Variants in ZNF687 observed in about 807,000 individuals in gnomAD.
ZNF687 encodes the protein zinc finger protein 687.
ZNF687 carries 13 observed loss-of-function variants against 71.8 expected under a neutral mutation model. The observed-to-expected ratio is 0.18, with a 90% CI of 0.12 to 0.29. The LOEUF is 0.29. Ranked by LOEUF, ZNF687 falls within the 10% of genes least tolerant of loss-of-function variation. The pLI is 1.00. For missense variants in ZNF687, 1,412 were observed against 1,625.6 expected (o/e 0.87, Z 2.26); for synonymous variants, 673 against 641.6 (o/e 1.05, Z -0.74).
Position 151,287,519 on chromosome 1 carries a change from A to G in ZNF687, c.1228A>G (p.Ser410Gly). The change falls in exon 2 of 9, where the codon AGT becomes GGT. Residue 410 changes from serine (S) to glycine (G), a missense_variant. This residue lies in a region of ZNF687 where 133 missense variants were observed against 155.1 expected (regional missense o/e 0.86). Transcript: ENST00000336715. The surrounding 1 kb of genome is among the most constrained non-coding windows in gnomAD (Gnocchi z 5.0). ...VLPVATIQNA[S>G]TAMLMAASVA... is the part of the protein sequence containing the mutation. ...GCCTGTGGCCACCATCCAGAACGCC[A>G]GTACTGCCATGCTGATGGCAGCCAG... is the stretch of plus-strand genomic sequence containing the variant. The G allele has an allele frequency of 6.2e-7, 1 of 1,614,168 alleles. No homozygotes were observed. Among genetic ancestry groups the G allele is most frequent in the Non-Finnish European group, 8.5e-7 (1 of 1,180,034 alleles).
chr1:151,288,673 C>A lies in ZNF687; in HGVS notation c.2261C>A (p.Ala754Asp), dbSNP rs775283853. ...QANFQTHLRE[A>D]CLHVSRRVGY... ...AATTTTCAGACCCATCTCCGGGAGG[C>A]CTGTCTGCACGTCTCTCGCCGTGTA... The change falls in exon 3 of 9, where the codon GCC becomes GAC. Residue 754 changes from alanine (A) to aspartate (D), a missense_variant. Ala to Asp is a moderately radical substitution (Grantham distance 126). Transcript: ENST00000336715. The A allele has an allele frequency of 6.2e-7, 1 of 1,613,838 alleles. No individual in the cohort carries two copies. Among genetic ancestry groups the A allele is most frequent in the Non-Finnish European group, 8.5e-7 (1 of 1,179,896 alleles).
intron 5 of ZNF687, 33 bp from the exon 6 acceptor site, chr1:151,289,645 C>T (rs780891941): frequency 5.0e-6 from 8 of 1,593,450 alleles, no homozygotes; most frequent in Non-Finnish European, 6.9e-6. Context: ...GGCCCTCCCC[C>T]ACAACAGCAA....
Position 151,290,505 on chromosome 1 carries a change from T to C in ZNF687, c.3151T>C (p.Leu1051=). The part of the protein sequence containing the change: ...LEKHVQVRHG[L]QLGAQSPGRG... The stretch of plus-strand genomic sequence containing the variant: ...GAAACATGTCCAGGTCCGGCACGGC[T>C]TGCAGCTTGGGGCCCAGTCCCCTGG... Residue 1051 remains leucine (L), a synonymous_variant, in exon 8 of 9, where the codon TTG becomes CTG. Transcript: ENST00000336715. The C allele has an allele frequency of 6.2e-7, 1 of 1,613,964 alleles. No homozygotes were observed. The highest frequency in any genetic ancestry group is 1.1e-5 in the South Asian group (1 of 91,088).
chr1:151,290,274 T>C (rs781215924), intron 7 of ZNF687, 40 bp downstream of exon 7: 1 of 1,610,952 alleles, frequency 6.2e-7, no homozygotes, highest in Admixed American at 1.7e-5. Context: ...GCCCAGCACG[T>C]GACTCTCCCT....
In ZNF687 at chr1:151,287,707, G is replaced by C. The variant is rs749355161; in HGVS notation, c.1416G>C (p.Met472Ile). ...GQKVNGASVV[M>I]VQPSKTATGP... ...AGGTGAATGGTGCCTCGGTGGTGAT[G>C]GTGCAACCTTCAAAGACAGCTACTG... Residue 472 changes from methionine to isoleucine, a missense_variant, in exon 2 of 9, where the codon ATG becomes ATC. Around this residue, in one of 8 missense-constraint regions of ZNF687, gnomAD observed 133 missense variants for 155.1 expected, o/e 0.86. Transcript: ENST00000336715. The surrounding 1 kb of genome is among the most constrained non-coding windows in gnomAD (Gnocchi z 5.0). 1.2e-6 allele frequency: 2 copies of C among 1,613,634 alleles called. No individual in the cohort carries two copies. Among genetic ancestry groups the C allele is most frequent in the Non-Finnish European group, 1.7e-6 (2 of 1,179,848 alleles).
Position 151,286,674 on chromosome 1 carries a change from G to A in ZNF687, c.383G>A (p.Gly128Glu), listed in dbSNP as rs772209660. Residue 128 changes from glycine (G) to glutamate (E), a missense_variant, in exon 2 of 9, where the codon GGG (glycine) becomes GAG (glutamate). By Grantham distance (98) the Gly-to-Glu change is moderately conservative. Around this residue, in one of 8 missense-constraint regions of ZNF687, gnomAD observed 490 missense variants for 489.9 expected, o/e 1.00. Transcript: ENST00000336715. ...VGPHRMQNGF[G>E]SPEPSLPGTP... Reference sequence around the variant, plus strand: ...CCTCATCGAATGCAGAATGGTTTTGGGAGCCCTGAACCTTCCCTCCCAGGA... The same window carrying A: ...CCTCATCGAATGCAGAATGGTTTTGAGAGCCCTGAACCTTCCCTCCCAGGA... 4 of 1,614,158 alleles carry A rather than the reference G, an allele frequency of 2.5e-6. No individual in the cohort carries two copies. In the South Asian group the frequency reaches 3.3e-5, roughly 13 times the overall value.
rs750476224 is a variant in ZNF687, at chr1:151,287,914, C to G, written c.1623C>G (p.Ala541=). 1 of 1,613,768 alleles carries G rather than the reference C, an allele frequency of 6.2e-7. No individual in the cohort carries two copies. Among genetic ancestry groups the G allele is most frequent in the South Asian group, 1.1e-5 (1 of 91,080 alleles). ...TGYRCLECGD[A]FSLEKSLARH... ...ACCGCTGCCTGGAGTGTGGGGATGC[C>G]TTCTCATTGGAGAAGAGCCTGGCAC... The change falls in exon 2 of 9, where the codon GCC becomes GCG. Residue 541 remains alanine, a synonymous_variant. Coordinates refer to ENST00000336715, the MANE Select transcript of ZNF687 (RefSeq NM_020832.3). This position sits in a 1 kb window ranked among gnomAD's most constrained non-coding sequence, Gnocchi z 5.0.
chr1:151,287,102 AG>A lies in ZNF687; in HGVS notation c.812del (p.Ser271ThrfsTer14). The A allele has an allele frequency of 6.2e-7, 1 of 1,613,944 alleles. No individual in the cohort carries two copies. Among genetic ancestry groups the A allele is most frequent in the Non-Finnish European group, 8.5e-7 (1 of 1,179,848 alleles). ...CTTCAAGCAGTCTCCAGGGCACCAG[AG>A]CCCTCTTGCCTCCCCCAAAGTGCCC... is the stretch of plus-strand genomic sequence containing the variant. The part of the protein sequence containing the change: ...PFFKQSPGHQ[S>X]PLASPKVPVC... On this transcript the variant is annotated frameshift_variant, in exon 2 of 9. Transcript: ENST00000336715. LOFTEE classifies it high-confidence loss of function. This position sits in a 1 kb window ranked among gnomAD's most constrained non-coding sequence, Gnocchi z 5.0.
At chr1:151,283,911 A>G (rs974740596) in intron 1 of ZNF687, 1 of 985,230 alleles carries the variant, frequency 1.0e-6, no homozygotes, top group East Asian at 1.1e-4. Flanking sequence ...ATGGCCTGCA[A>G]CCTGGGCAGG....
At position 151,286,457 on chromosome 1, in the gene ZNF687, G is replaced by T. The variant is rs1171102846; in HGVS notation, c.166G>T (p.Ala56Ser). The T allele has an allele frequency of 6.2e-6, 10 of 1,613,770 alleles. No homozygotes were observed. Among genetic ancestry groups the T allele is most frequent in the Non-Finnish European group, 8.5e-6 (10 of 1,179,842 alleles). The change falls in exon 2 of 9, where the codon GCA (alanine) becomes TCA (serine). Residue 56 changes from alanine to serine, a missense_variant. By Grantham distance (99) the Ala-to-Ser change is moderately conservative. Transcript: ENST00000336715. ...GVGSESEDTA[A>S]ASAGDGPGVP... is the part of the protein sequence containing the mutation. ...AGGAAGTGAATCTGAAGACACAGCA[G>T]CAGCCTCTGCTGGGGATGGCCCTGG... is the stretch of plus-strand genomic sequence containing the variant.
rs937655434 is a variant in ZNF687 at position 151,289,171 on chromosome 1, T to C, written c.2371T>C (p.Phe791Leu). Residue 791 changes from phenylalanine (F) to leucine (L), a missense_variant, in exon 4 of 9, where the codon TTC (phenylalanine) becomes CTC (leucine). Physicochemically the swap from Phe to Leu is conservative, Grantham distance 22. Coordinates refer to ENST00000336715, the MANE Select transcript of ZNF687 (RefSeq NM_020832.3). ...CATCCAGACGTCGCACTGCGAGGTT[T>C]TCCACAAGTGCCCCATCTGCCCCAT... is the stretch of plus-strand genomic sequence containing the variant. ...SHIQTSHCEVFHKCPICPMAF... is the reference protein window; with the variant it reads ...SHIQTSHCEVLHKCPICPMAF... The C allele has an allele frequency of 6.2e-7, 1 of 1,614,198 alleles. No homozygotes were observed. The highest frequency in any genetic ancestry group is 8.5e-7 in the Non-Finnish European group (1 of 1,180,026).
rs775283853 is a variant in ZNF687 at position 151,288,673 on chromosome 1, C to G, written c.2261C>G (p.Ala754Gly). The G allele has an allele frequency of 6.2e-7, 1 of 1,613,956 alleles. No individual in the cohort carries two copies. The highest frequency in any genetic ancestry group is 8.5e-7 in the Non-Finnish European group (1 of 1,179,888). The change falls in exon 3 of 9, where the codon GCC (alanine) becomes GGC (glycine). Residue 754 changes from alanine to glycine, a missense_variant. Ala to Gly is a moderately conservative substitution (Grantham distance 60). This residue lies in a region of ZNF687 where 207 missense variants were observed against 239.2 expected (regional missense o/e 0.87). Coordinates refer to ENST00000336715, the MANE Select transcript of ZNF687 (RefSeq NM_020832.3). Reference protein sequence around the residue: ...QANFQTHLREACLHVSRRVGY... With the variant: ...QANFQTHLREGCLHVSRRVGY... ...AATTTTCAGACCCATCTCCGGGAGG[C>G]CTGTCTGCACGTCTCTCGCCGTGTA...
In ZNF687 at chr1:151,287,815, G is replaced by A; in HGVS notation, c.1524G>A (p.Lys508=). The A allele has an allele frequency of 1.2e-6, 2 of 1,614,066 alleles. No individual in the cohort carries two copies. Among genetic ancestry groups the A allele is most frequent in the Non-Finnish European group, 1.7e-6 (2 of 1,180,026 alleles). The part of the protein sequence containing the change: ...VEAFNKILNS[K]NLLPAYRPNL... ...CCTTCAACAAGATCCTCAACAGCAA[G>A]AACCTGCTCCCTGCCTATAGGCCAA... The change falls in exon 2 of 9, where the codon AAG becomes AAA. Residue 508 remains lysine (K), a synonymous_variant. Coordinates refer to ENST00000336715, the MANE Select transcript of ZNF687 (RefSeq NM_020832.3). The surrounding 1 kb of genome is among the most constrained non-coding windows in gnomAD (Gnocchi z 5.0).
At chr1:151,285,109 A>C (rs755660720) in intron 1 of ZNF687, 2 of 152,142 alleles carry the variant, frequency 1.3e-5, no homozygotes, top group Non-Finnish European at 2.9e-5. Context: ...AAAGTAAGGC[A>C]CTGAAGAAAC....
chr1:151,283,417 TAGG>T (rs780412609), intron 1 of ZNF687: 159 of 608,854 alleles, frequency 2.6e-4, no homozygotes, highest in Non-Finnish European at 3.2e-4. Context: ...GCGGGGGAGA[TAGG>T]AGCCCTAGAG....
chr1:151,283,860 C>T, intron 1 of ZNF687: 2 of 985,374 alleles, frequency 2.0e-6, no homozygotes, highest in South Asian at 9.4e-5. Context: ...TCTCTAGTTA[C>T]AGTCTGAAGA....
At chr1:151,284,257 G>C (rs181113019) in intron 1 of ZNF687, 1 of 985,324 alleles carries the variant, frequency 1.0e-6, no homozygotes, top group Admixed American at 6.1e-5. Context: ...AGCTGTGCTG[G>C]AGAAATGTGT....
At chr1:151,290,402 C>T in intron 7 of ZNF687, 30 bp from the exon 8 acceptor site, 1 of 1,613,650 alleles carries the variant, frequency 6.2e-7, no homozygotes, top group Non-Finnish European at 8.5e-7. Context: ...GGCTGTGCCG[C>T]TGCTGCCATC....
rs932046142 is a variant in ZNF687 at position 151,289,913 on chromosome 1, G to T, written c.2870G>T (p.Gly957Val). ...GGGAGCAAAGGCCTCAAGGGTGGGG[G>T]TGGGGGGCCTGGAGGCTGGACCTGT... The part of the protein sequence containing the change: ...ELGSKGLKGG[G>V]GGPGGWTCGL... The change falls in exon 6 of 9, where the codon GGT (glycine) becomes GTT (valine). Residue 957 changes from glycine to valine, a missense_variant. Physicochemically the swap from Gly to Val is moderately radical, Grantham distance 109. This residue lies in a region of ZNF687 where 135 missense variants were observed against 104.1 expected (regional missense o/e 1.30). Transcript: ENST00000336715. 3.2e-6 allele frequency: 5 copies of T among 1,557,950 alleles called. No individual in the cohort carries two copies. The Admixed American group carries it at 7.7e-5, about 24-fold the overall frequency.
Sources: gnomAD v4.1 joint callset for allele counts on GRCh38, gnomAD v4.1.1 for gene constraint, gnomAD v4.1.1 regional missense constraint, Gnocchi (gnomAD v3.1) non-coding constraint, MANE v1.5 for transcripts, NCBI Gene and HGNC (gene_info 2026-07-23, HGNC 2026-07-21) for gene names.